The following TRIM66 variants were observed in gnomAD, a reference collection of about 807,000 sequenced individuals.
TRIM66 encodes the protein tripartite motif containing 66, also known as tripartite motif-containing protein 66.
TRIM66 carries 99 observed loss-of-function variants against 148.2 expected under a neutral mutation model. The ratio of observed to expected loss-of-function variants is 0.67; its 90% CI spans 0.57 to 0.79. The LOEUF is 0.79. TRIM66 is among the 30% of genes least tolerant of loss of function. TRIM66 has a pLI of 0.00. For missense variants in TRIM66, 1,666 were observed against 1,697.9 expected (o/e 0.98, Z 0.33); for synonymous variants, 616 against 635.9 (o/e 0.97, Z 0.47).
chr11:8,658,684 C>A, intron 6 of TRIM66: 1 of 797,996 alleles, frequency 1.3e-6, no homozygotes, highest in Non-Finnish European at 1.5e-6. Context: ...AGTTGACACA[C>A]TCTGTCAGCC....
intron 15 of TRIM66, among the ~76,000 whole-genome samples, chr11:8,631,612 T>C (rs1185068714): frequency 6.6e-6 from 1 of 152,220 alleles, no homozygotes; most frequent in Non-Finnish European, 1.5e-5. Context: ...TTTCAGTGAA[T>C]GACCTCATAC....
chr11:8,633,991 T>C (rs2035647331), intron 15 of TRIM66, among the ~76,000 whole-genome samples: 1 of 152,140 alleles, frequency 6.6e-6, no homozygotes, highest in African/African-American at 2.4e-5. Context: ...ACCGCTTCTG[T>C]ATCATTTACT....
At chr11:8,658,427 A>T (rs750386208) in intron 6 of TRIM66, among the ~76,000 whole-genome samples, 1 of 152,142 alleles carries the variant, frequency 6.6e-6, no homozygotes, top group Non-Finnish European at 1.5e-5. Flanking sequence ...CCATCCAAAA[A>T]TCCTTCAGCC....
intron 6 of TRIM66, chr11:8,654,577 G>A (rs937020617): frequency 6.6e-6 from 1 of 152,174 alleles, no homozygotes. Flanking sequence ...CTGTTCATAT[G>A]TCTGCACACA....
At chr11:8,621,537 C>T in intron 19 of TRIM66, 108 bp downstream of exon 19, 7 of 1,390,168 alleles carry the variant, frequency 5.0e-6, no homozygotes, top group Non-Finnish European at 6.7e-6. Flanking sequence ...AGCTGCAGCC[C>T]CATCAGAGAC....
rs149610829 is a variant in TRIM66 at position 8,642,046 on chromosome 11, G to T, written c.1223-894C>A. Among the ~76,000 whole-genome samples the T allele has an allele frequency of 1.1e-4, 17 of 152,160 alleles. No individual in the cohort carries two copies. The South Asian group carries it at 1.5e-3, about 13-fold the overall frequency. Reference sequence around the variant, plus strand: ...CTCAGGTATTTCTTCACAATAATGCGAGAATGGACTAATACACCAGGTCAG... The same window carrying T: ...CTCAGGTATTTCTTCACAATAATGCTAGAATGGACTAATACACCAGGTCAG... On this transcript the variant is annotated intron_variant, in intron 13 of 24. Transcript: ENST00000646038.
Position 8,620,050 on chromosome 11 carries a change from CA to C in TRIM66, c.3746del (p.Leu1249ArgfsTer72). 6.4e-7 allele frequency: 1 copy of C among 1,551,626 alleles called. No homozygotes were observed. Among genetic ancestry groups the C allele is most frequent in the Non-Finnish European group, 8.7e-7 (1 of 1,146,900 alleles). On this transcript the variant is annotated frameshift_variant and splice_region_variant, in exon 22 of 25. Coordinates refer to ENST00000646038, the MANE Select transcript of TRIM66 (RefSeq NM_001388022.1). LOFTEE classifies it high-confidence loss of function. ...GAGAGAACAGCGTGGCCTTCCTTAC[CA>C]GGGGGCTGACAGGTTCATGGAAGGG... is the stretch of plus-strand genomic sequence containing the variant. ...SLPFHEPVSP[L>X]ARHYYQIIKR...
At chr11:8,666,729 A>C (rs1195654849) in intron 6 of TRIM66, among the ~76,000 whole-genome samples, 2 of 152,216 alleles carry the variant, frequency 1.3e-5, no homozygotes, top group African/African-American at 4.8e-5. Context: ...CAGATGGCCA[A>C]ATATACTGAC....
In TRIM66 at chr11:8,640,539, G is replaced by A; in HGVS notation, c.1836C>T (p.Pro612=). Residue 612 remains proline, a synonymous_variant, in exon 14 of 25, where the codon CCC becomes CCT. Transcript: ENST00000646038. ...GTGGGGGAGGGGGAAGGGGAGGTGG[G>A]GGATGGGGGAGGGGTGGTGGTGGAG... ...LPPPPPPLPH[P]PPPLPPPPQQ... is the part of the protein sequence containing the mutation. 1 of 1,297,942 alleles carries A rather than the reference G, an allele frequency of 7.7e-7. No individual in the cohort carries two copies. Among genetic ancestry groups the A allele is most frequent in the South Asian group, 1.3e-5 (1 of 78,044 alleles). 80.4% of individuals were successfully genotyped at this position (1,297,942 alleles called of 1,614,324 possible). A position where few individuals can be genotyped will look rare whatever the true frequency, so the allele number is the denominator to read the frequency against.
intron 23 of TRIM66, 177 bp downstream of exon 23, chr11:8,619,206 C>T: frequency 1.2e-6 from 1 of 804,034 alleles, no homozygotes; most frequent in Non-Finnish European, 1.9e-6. Flanking sequence ...TTCCTGAGTC[C>T]ATGCTAAGGC....
rs969307685 is a variant in TRIM66 at position 8,616,328 on chromosome 11, A to C, written c.*1616T>G. On this transcript the variant is annotated 3_prime_UTR_variant, in exon 25 of 25. Coordinates refer to ENST00000646038, the MANE Select transcript of TRIM66 (RefSeq NM_001388022.1). ...AGAAGAAATGTTTTCTAATTAAAAA[A>C]CTGCTCATTAGCAAAGGCCCTACAA... The C allele has an allele frequency of 6.6e-6, 1 of 152,224 alleles. No homozygotes were observed. Among genetic ancestry groups the C allele is most frequent in the Non-Finnish European group, 1.5e-5 (1 of 68,036 alleles). The allele number at this position is 152,224 out of a possible 1,614,324, so 9.4% of individuals were successfully genotyped here.
Position 8,651,787 on chromosome 11 carries a change from T to C in TRIM66, c.444+13A>G, listed in dbSNP as rs2037383491. ...GAAAAAGATCAGCTGCTTCTTTCCTTGTCCTGACTTACCCTGGCCATCTTG... is the reference window on the plus strand; with the variant it reads ...GAAAAAGATCAGCTGCTTCTTTCCTCGTCCTGACTTACCCTGGCCATCTTG... On this transcript the variant is annotated intron_variant, in intron 7 of 24. Transcript: ENST00000646038. 1 of 1,549,578 alleles carries C rather than the reference T, an allele frequency of 6.5e-7. No homozygotes were observed. Among genetic ancestry groups the C allele is most frequent in the African/African-American group, 1.4e-5 (1 of 72,986 alleles).
rs2033726649 is a variant in TRIM66, at chr11:8,616,455, C to G, written c.*1489G>C. 1 of 152,230 alleles carries G rather than the reference C, an allele frequency of 6.6e-6. No individual in the cohort carries two copies. The highest frequency in any genetic ancestry group is 1.5e-5 in the Non-Finnish European group (1 of 68,050). 9.4% of individuals were successfully genotyped at this position (152,230 alleles called of 1,614,324 possible). On this transcript the variant is annotated 3_prime_UTR_variant, in exon 25 of 25. Transcript: ENST00000646038. ...ATGACAGGACCAGGGAGAGCTGTCT[C>G]AGTCCTGGCCACTGACATGTCAGGT...
intron 3 of TRIM66, among the ~76,000 whole-genome samples, chr11:8,678,498 A>G (rs1202313270): frequency 2.0e-5 from 3 of 152,370 alleles, no homozygotes; most frequent in African/African-American, 7.2e-5. Context: ...AGAAAATGGC[A>G]TCACAGGGTG....
intron 14 of TRIM66, among the ~76,000 whole-genome samples, chr11:8,639,942 C>T (rs118054187): frequency 0.044 from 6,710 of 152,226 alleles, 214 homozygotes; most frequent in South Asian, 0.061. Flanking sequence ...AAGGTACCAT[C>T]GGTGGGCAGG....
At chr11:8,668,451 A>G (rs971313235) in intron 6 of TRIM66, among the ~76,000 whole-genome samples, 10 of 152,156 alleles carry the variant, frequency 6.6e-5, no homozygotes, top group Non-Finnish European at 1.5e-5. Flanking sequence ...GGCCCAGTCC[A>G]AAACAGCCTC....
Position 8,643,049 on chromosome 11 carries a change from G to A in TRIM66, c.1182C>T (p.Thr394=). 5 of 1,551,360 alleles carry A rather than the reference G, an allele frequency of 3.2e-6. No individual in the cohort carries two copies. The highest frequency in any genetic ancestry group is 3.5e-6 in the Non-Finnish European group (4 of 1,146,886). Residue 394 remains threonine (T), a synonymous_variant, in exon 13 of 25, where the codon ACC becomes ACT. Transcript: ENST00000646038. The stretch of plus-strand genomic sequence containing the variant: ...GCTTGGTCCAGAAGTTAGGCTCCCA[G>A]GTGAATCTGATACTCCAAGGGGAGC... ...DPGSPWSIRF[T]WEPNFWTKQL...
intron 24 of TRIM66, 51 bp from the exon 25 acceptor site, chr11:8,618,054 T>G: frequency 6.6e-7 from 1 of 1,513,986 alleles, no homozygotes; most frequent in African/African-American, 1.4e-5. Flanking sequence ...GTAGGATTTA[T>G]TAACATGAAA....
intron 10 of TRIM66, among the ~76,000 whole-genome samples, chr11:8,647,140 G>A (rs1018987108): frequency 1.5e-4 from 23 of 150,620 alleles, no homozygotes; most frequent in African/African-American, 5.1e-4. Context: ...TATTAATGTG[G>A]CTTCTTTTTG....
Sources: allele counts gnomAD v4.1 joint callset (sites outside exome capture counted in the v4.1 genomes callset), GRCh38; gene constraint gnomAD v4.1.1; transcripts MANE v1.5; gene names NCBI Gene and HGNC (gene_info 2026-07-23, HGNC 2026-07-21).